Variants in BAALC observed in about 807,000 individuals in gnomAD.
BAALC encodes the protein brain and acute leukemia cytoplasmic protein.
BAALC carries 9 observed loss-of-function variants against 15.5 expected under a neutral mutation model. The observed-to-expected ratio is 0.58, with a 90% CI of 0.35 to 1.02. The LOEUF is 1.02. Ranked by LOEUF, BAALC falls within the 50% of genes least tolerant of loss-of-function variation. The pLI is 0.02. For missense variants in BAALC, 201 were observed against 192.4 expected (o/e 1.04, Z -0.27); for synonymous variants, 80 against 74.6 (o/e 1.07, Z -0.37).
At chr8:103,195,007 C>G (rs1197407745) in intron 1 of BAALC, among the ~76,000 whole-genome samples, 1 of 152,074 alleles carries the variant, frequency 6.6e-6, no homozygotes, top group Non-Finnish European at 1.5e-5. Flanking sequence ...AATCATACCA[C>G]CTGGGCAAGG....
At position 103,150,333 on chromosome 8, in the gene BAALC, C is replaced by CTGTG. The variant is rs34233321; in HGVS notation, c.160+9292_160+9295dup. 3.3e-3 allele frequency among the ~76,000 whole-genome samples: 499 copies of CTGTG among 149,368 alleles called. 1 individual carries two copies. The highest frequency in any genetic ancestry group is 8.4e-3 in the Admixed American group (126 of 15,038). On this transcript the variant is annotated intron_variant, in intron 1 of 2. Coordinates refer to ENST00000309982, the MANE Select transcript of BAALC (RefSeq NM_024812.3). ...CCATATCATGGATATAGAAACATGGCTGTGTGTGTGTGTGTGTGTCTGTGT... is the reference window on the plus strand; with the variant it reads ...CCATATCATGGATATAGAAACATGGCTGTGTGTGTGTGTGTGTGTGTGTCTGTGT...
chr8:103,160,706 A>C (rs62527635), intron 1 of BAALC, among the ~76,000 whole-genome samples: 14,955 of 152,200 alleles, frequency 0.098, 985 homozygotes, highest in Non-Finnish European at 0.15. Flanking sequence ...GGCTGTCTGC[A>C]AGCTGAGGAG....
chr8:103,221,262 A>G (rs926539428), intron 2 of BAALC, among the ~76,000 whole-genome samples: 1 of 152,224 alleles, frequency 6.6e-6, no homozygotes, highest in Admixed American at 6.5e-5. Flanking sequence ...ATGGGGTACT[A>G]AAGCTGCAGA....
intron 1 of BAALC, among the ~76,000 whole-genome samples, chr8:103,211,224 A>T (rs1470687261): frequency 6.6e-6 from 1 of 152,130 alleles, no homozygotes; most frequent in African/African-American, 2.4e-5. Context: ...TCTCATCTAC[A>T]ACTCTTATTA....
chr8:103,222,281 CA>C (rs1210571104), intron 2 of BAALC, among the ~76,000 whole-genome samples: 5 of 152,054 alleles, frequency 3.3e-5, no homozygotes, highest in African/African-American at 1.2e-4. Flanking sequence ...GGAAGGAAAA[CA>C]GAGGAAAAAG....
At chr8:103,153,583 C>T (rs1811026544) in intron 1 of BAALC, among the ~76,000 whole-genome samples, 1 of 152,198 alleles carries the variant, frequency 6.6e-6, no homozygotes, top group Non-Finnish European at 1.5e-5. Context: ...ATTCCCTTGT[C>T]TTCTGCCTTA....
intron 1 of BAALC, among the ~76,000 whole-genome samples, chr8:103,183,994 C>A (rs149713116): frequency 3.0e-4 from 46 of 152,310 alleles, no homozygotes; most frequent in Middle Eastern, 6.8e-3. Flanking sequence ...GAGCTGCATG[C>A]CCTACTGGAG....
chr8:103,180,159 A>G (rs556487778), intron 1 of BAALC, among the ~76,000 whole-genome samples: 3 of 152,338 alleles, frequency 2.0e-5, no homozygotes, highest in Admixed American at 6.5e-5. Flanking sequence ...GGCCAAAGAT[A>G]GGACAGGGTG....
At chr8:103,202,211 G>C (rs891641677) in intron 1 of BAALC, among the ~76,000 whole-genome samples, 1 of 152,184 alleles carries the variant, frequency 6.6e-6, no homozygotes, top group Non-Finnish European at 1.5e-5. Flanking sequence ...TGGCTTGAAG[G>C]CCTTTCCCCA....
intron 1 of BAALC, among the ~76,000 whole-genome samples, chr8:103,210,697 A>G (rs752679620): frequency 6.6e-6 from 1 of 152,402 alleles, no homozygotes; most frequent in South Asian, 2.1e-4. Context: ...CATTAGGCAT[A>G]TAAATAATAT....
chr8:103,174,724 C>T (rs1383589245), intron 1 of BAALC, among the ~76,000 whole-genome samples: 3 of 152,220 alleles, frequency 2.0e-5, no homozygotes, highest in Non-Finnish European at 4.4e-5. Context: ...ATACCCTGAA[C>T]TCCTCTTAGA....
intron 2 of BAALC, among the ~76,000 whole-genome samples, chr8:103,226,721 C>T (rs1812814261): frequency 6.6e-6 from 1 of 152,056 alleles, no homozygotes; most frequent in Admixed American, 6.5e-5. Flanking sequence ...ATTGGTTTAT[C>T]CTTAGTTAGA....
intron 1 of BAALC, among the ~76,000 whole-genome samples, chr8:103,187,507 T>C (rs541640222): frequency 6.6e-6 from 1 of 152,296 alleles, no homozygotes; most frequent in Non-Finnish European, 1.5e-5. Context: ...CAGAGTTGCA[T>C]TGTAAAGCAG....
At chr8:103,143,693 C>G (rs1015009364) in intron 1 of BAALC, among the ~76,000 whole-genome samples, 1 of 152,184 alleles carries the variant, frequency 6.6e-6, no homozygotes, top group African/African-American at 2.4e-5. Context: ...CTGAAGCCAC[C>G]TTTTCTCCTG....
chr8:103,160,300 G>A (rs539060510), intron 1 of BAALC, among the ~76,000 whole-genome samples: 31 of 152,246 alleles, frequency 2.0e-4, no homozygotes, highest in Admixed American at 1.1e-3. Context: ...ATCCCTTAGA[G>A]GATTCCATTG....
Position 103,140,741 on chromosome 8 carries a change from G to T in BAALC, c.-157G>T. The T allele has an allele frequency of 4.2e-6, 2 of 474,308 alleles. No individual in the cohort carries two copies. Among genetic ancestry groups the T allele is most frequent in the Admixed American group, 5.4e-5 (1 of 18,596 alleles). The allele number at this position is 474,308 out of a possible 1,614,324, so 29.4% of individuals were successfully genotyped here. ...AGAGGGCCCGGACTAGGGGCGGCGG[G>T]CACCGCAGGAGCTCCGCGCGGCTGC... On this transcript the variant is annotated 5_prime_UTR_variant, in exon 1 of 3. Coordinates refer to ENST00000309982, the MANE Select transcript of BAALC (RefSeq NM_024812.3). This position sits in a 1 kb window ranked among gnomAD's most constrained non-coding sequence, Gnocchi z 4.2.
intron 1 of BAALC, among the ~76,000 whole-genome samples, chr8:103,162,642 C>T (rs772365494): frequency 5.3e-5 from 8 of 152,196 alleles, no homozygotes; most frequent in East Asian, 1.9e-4. Flanking sequence ...GTTTATTTCT[C>T]CTGTATTCTA....
chr8:103,148,633 C>CT (rs539817385), intron 1 of BAALC, among the ~76,000 whole-genome samples: 80 of 152,166 alleles, frequency 5.3e-4, no homozygotes, highest in African/African-American at 1.9e-3. Context: ...TTCTTTCTGC[C>CT]TTTTTTTGTT....
chr8:103,143,682 A>G (rs1283694051), intron 1 of BAALC, among the ~76,000 whole-genome samples: 1 of 152,154 alleles, frequency 6.6e-6, no homozygotes, highest in Admixed American at 6.5e-5. Flanking sequence ...TTGGTGTCAA[A>G]CTGAAGCCAC....
Sources: allele counts gnomAD v4.1 joint callset (sites outside exome capture counted in the v4.1 genomes callset), GRCh38; gene constraint gnomAD v4.1.1; non-coding constraint Gnocchi (gnomAD v3.1); transcripts MANE v1.5; gene names NCBI Gene and HGNC (gene_info 2026-07-23, HGNC 2026-07-21).